Variants in PAK3 observed in about 807,000 individuals in gnomAD.
PAK3 encodes the protein serine/threonine-protein kinase PAK 3.
PAK3 carries 4 observed loss-of-function variants against 41.0 expected under a neutral mutation model. That is an observed-to-expected ratio of 0.10 (90% confidence interval 0.05 to 0.22). The LOEUF is 0.22. PAK3 is among the 10% of genes least tolerant of loss of function. The pLI is 1.00. For synonymous variants in PAK3, 146 were observed against 139.6 expected (o/e 1.05, Z -0.32); for missense variants, 205 against 409.9 (o/e 0.50, Z 4.32).
intron 10 of PAK3, chrX:111,169,170 A>T (rs1342417649): frequency 6.3e-6 from 1 of 158,227 alleles, no homozygotes; most frequent in South Asian, 1.5e-4. Context: ...AGATACAGAG[A>T]TGAATAAGAC....
At position 111,062,842 on chromosome X, in the gene PAK3, T is replaced by A. The variant is rs752164548; in HGVS notation, c.-27-60235T>A. 4.2e-4 allele frequency among the ~76,000 whole-genome samples: 3 copies of A among 7,099 alleles called. No individual in the cohort carries two copies. The Non-Finnish European group carries it at 0.081, about 192-fold the overall frequency. The allele number at this position is 7,099 out of a possible 115,157, so 6.2% of individuals were successfully genotyped here. On this transcript the variant is annotated intron_variant, in intron 1 of 14. Coordinates refer to the PAK3 transcript ENST00000425146. ...TAGAACCCATGGGTAAGGAAATTAC[T>A]TTTTTTTTTTTTTTCTGCCTCAGAA...
chrX:111,077,991 A>G (rs758145259), intron 1 of PAK3, among the ~76,000 whole-genome samples: 1 of 112,153 alleles, frequency 8.9e-6, no homozygotes, highest in South Asian at 3.7e-4. Context: ...AAAAATGGAA[A>G]AAGGACCTGA....
chrX:111,122,050 C>CAAG (rs1353815011), intron 4 of PAK3, among the ~76,000 whole-genome samples: 2 of 108,886 alleles, frequency 1.8e-5, no homozygotes, highest in Non-Finnish European at 3.8e-5. Context: ...GTCAGGAGAT[C>CAAG]AAGACCATTC....
chrX:111,090,221 C>A (rs1388838498), intron 1 of PAK3, among the ~76,000 whole-genome samples: 1 of 110,896 alleles, frequency 9.0e-6, no homozygotes, highest in Non-Finnish European at 1.9e-5. Context: ...CGGACCATGC[C>A]CATAATGAAG....
At chrX:111,164,739 C>G (rs1321998709) in intron 10 of PAK3, among the ~76,000 whole-genome samples, 2 of 112,080 alleles carry the variant, frequency 1.8e-5, no homozygotes, top group East Asian at 5.6e-4. Context: ...TCCTACTTGT[C>G]TGTTCTGTGC....
chrX:110,995,071 G>A (rs933345736), intron 1 of PAK3, among the ~76,000 whole-genome samples: 1 of 111,339 alleles, frequency 9.0e-6, no homozygotes, highest in South Asian at 3.8e-4. Context: ...ACTCCTATTT[G>A]TGTTTACGTC....
intron 1 of PAK3, among the ~76,000 whole-genome samples, chrX:110,954,342 G>A (rs974201989): frequency 8.9e-6 from 1 of 112,260 alleles, no homozygotes; most frequent in Non-Finnish European, 1.9e-5. Flanking sequence ...CTTTGCATGT[G>A]TTGTCTCATT....
chrX:111,127,509 A>G (rs1158877155), intron 5 of PAK3, among the ~76,000 whole-genome samples: 4 of 111,547 alleles, frequency 3.6e-5, no homozygotes, highest in Non-Finnish European at 7.5e-5. Context: ...TGACTGTTCC[A>G]GAAGCTGAAT....
At chrX:111,101,952 T>G (rs1281192028) in intron 3 of PAK3, among the ~76,000 whole-genome samples, 2 of 111,906 alleles carry the variant, frequency 1.8e-5, no homozygotes, top group African/African-American at 6.5e-5. Context: ...TTTTCTTGGC[T>G]CCCTAAGGCT....
chrX:110,988,042 G>T (rs896934433), intron 1 of PAK3, among the ~76,000 whole-genome samples: 91 of 112,769 alleles, frequency 8.1e-4, no homozygotes, highest in African/African-American at 2.8e-3. Context: ...GTATGCATTT[G>T]ATAATAATTC....
chrX:111,044,055 T>G (rs1163216544), intron 1 of PAK3, among the ~76,000 whole-genome samples: 1 of 111,737 alleles, frequency 8.9e-6, no homozygotes, highest in Non-Finnish European at 1.9e-5. Flanking sequence ...AAAAAACAGA[T>G]TTTCTGATTT....
At chrX:111,012,459 T>C (rs775998688) in intron 1 of PAK3, among the ~76,000 whole-genome samples, 2 of 111,953 alleles carry the variant, frequency 1.8e-5, no homozygotes, top group Non-Finnish European at 3.8e-5. Flanking sequence ...ATTATTCTCC[T>C]GCCTTTTCTA....
intron 16 of PAK3, among the ~76,000 whole-genome samples, chrX:111,204,623 T>C (rs2094719395): frequency 9.0e-6 from 1 of 111,634 alleles, no homozygotes; most frequent in African/African-American, 3.3e-5. Flanking sequence ...TTTATTGTCA[T>C]TTTGATTGAT....
chrX:111,199,133 G>A (rs1321037099), intron 16 of PAK3, among the ~76,000 whole-genome samples: 3 of 111,300 alleles, frequency 2.7e-5, no homozygotes, highest in Admixed American at 9.6e-5. Flanking sequence ...ACTGGACATC[G>A]TTGGTGTATA....
intron 1 of PAK3, among the ~76,000 whole-genome samples, chrX:110,955,639 T>C (rs927306163): frequency 9.0e-6 from 1 of 111,579 alleles, no homozygotes; most frequent in Admixed American, 9.5e-5. Flanking sequence ...CCCTGTCTCT[T>C]GATAAAACAG....
At chrX:111,094,619 C>A (rs1473510464), upstream of PAK3, among the ~76,000 whole-genome samples, 3 of 109,131 alleles carry the variant, frequency 2.7e-5, no homozygotes, top group Non-Finnish European at 5.7e-5. Flanking sequence ...ATGAATCAGT[C>A]CAAAAGAGGC....
At chrX:111,086,671 C>G (rs2092886816) in intron 1 of PAK3, among the ~76,000 whole-genome samples, 2 of 111,478 alleles carry the variant, frequency 1.8e-5, no homozygotes, top group Admixed American at 1.9e-4. Context: ...AGACTGTGCT[C>G]AAGTAGAAGT....
chrX:111,077,653 C>T (rs889033707), intron 1 of PAK3, among the ~76,000 whole-genome samples: 3 of 111,867 alleles, frequency 2.7e-5, no homozygotes, highest in African/African-American at 9.7e-5. Flanking sequence ...TACACAAAGA[C>T]TAAGTCAAAA....
At chrX:110,946,849 C>T (rs182921871) in intron 1 of PAK3, among the ~76,000 whole-genome samples, 117 of 112,471 alleles carry the variant, frequency 1.0e-3, no homozygotes, top group African/African-American at 2.9e-3. Flanking sequence ...CTAACCTGAA[C>T]GGGATCTTGA....
Sources: allele counts gnomAD v4.1 joint callset (sites outside exome capture counted in the v4.1 genomes callset), GRCh38; gene constraint gnomAD v4.1.1; transcripts MANE v1.5; gene names NCBI Gene and HGNC (gene_info 2026-07-23, HGNC 2026-07-21).